The following CABLES1 variants were observed in gnomAD, a reference collection of about 807,000 sequenced individuals.
CABLES1 encodes the protein Cdk5 and Abl enzyme substrate 1.
CABLES1 carries 36 observed loss-of-function variants against 57.8 expected under a neutral mutation model. That is an observed-to-expected ratio of 0.62 (90% CI 0.48 to 0.82). The LOEUF (loss-of-function observed/expected upper bound fraction) is 0.82. Among genes scored for constraint, CABLES1 ranks in the 40% least tolerant of loss-of-function variants. CABLES1 has a pLI of 0.00. For synonymous variants in CABLES1, 374 were observed against 363.0 expected, an observed-to-expected ratio of 1.03 and a Z score of -0.35; for missense variants, 767 against 836.6, an observed-to-expected ratio of 0.92 and a Z score of 1.03.
At chr18:23,232,471 C>T (rs945678513) in intron 4 of CABLES1, among the ~76,000 whole-genome samples, 3 of 152,230 alleles carry the variant, frequency 2.0e-5, no homozygotes, top group Non-Finnish European at 4.4e-5. Context: ...GCCTTGTTCA[C>T]GTTTTTGCTT....
chr18:23,249,589 C>T (rs1568092264), intron 7 of CABLES1, among the ~76,000 whole-genome samples: 2 of 152,146 alleles, frequency 1.3e-5, no homozygotes, highest in African/African-American at 4.8e-5. Context: ...AATTTTTCAG[C>T]GTCTTTTACG....
At chr18:23,139,987 T>G (rs1399036026) in intron 1 of CABLES1, among the ~76,000 whole-genome samples, 1 of 152,200 alleles carries the variant, frequency 6.6e-6, no homozygotes, top group Non-Finnish European at 1.5e-5. Flanking sequence ...AGCTTTGCTA[T>G]TTCACCATCT....
rs960921878 is a variant in CABLES1, at chr18:23,236,105, A to G, written c.1342+54A>G. ...CTCGTGGTGGGAGGGAGGTGCCTCC[A>G]TTTACATGGGGATTGAGTCTCCCTG... On this transcript the variant is annotated intron_variant, in intron 6 of 9. Coordinates refer to ENST00000256925, the MANE Select transcript of CABLES1 (RefSeq NM_001100619.3). 16 of 1,574,756 alleles carry G rather than the reference A, an allele frequency of 1.0e-5. No homozygotes were observed. In the African/African-American group the frequency reaches 1.9e-4, roughly 19 times the overall value.
intron 6 of CABLES1, 48 bp downstream of exon 6, chr18:23,236,099 G>A (rs2047607971): frequency 1.3e-6 from 2 of 1,586,434 alleles, no homozygotes; most frequent in African/African-American, 1.3e-5. Context: ...GGAGGGAGGT[G>A]CCTCCATTTA....
chr18:23,200,266 G>T (rs2047313985), intron 3 of CABLES1, among the ~76,000 whole-genome samples: 1 of 151,398 alleles, frequency 6.6e-6, no homozygotes, highest in South Asian at 2.1e-4. Context: ...GGAGAGGGTA[G>T]ATTTTTTTTT....
chr18:23,146,183 T>A (rs950589914), intron 1 of CABLES1, among the ~76,000 whole-genome samples: 1 of 152,220 alleles, frequency 6.6e-6, no homozygotes, highest in Admixed American at 6.5e-5. Context: ...AAGGGCTGGG[T>A]GGCGGGGTAG....
intron 3 of CABLES1, among the ~76,000 whole-genome samples, chr18:23,199,445 A>G (rs1485262094): frequency 6.6e-6 from 1 of 152,186 alleles, no homozygotes; most frequent in African/African-American, 2.4e-5. Flanking sequence ...GGTGGAAACA[A>G]CCCCAGTGTC....
chr18:23,203,992 A>T (rs2047344656), intron 3 of CABLES1, among the ~76,000 whole-genome samples: 1 of 152,172 alleles, frequency 6.6e-6, no homozygotes, highest in African/African-American at 2.4e-5. Context: ...ACAAAACCCC[A>T]GTCTAGGAGG....
At chr18:23,220,067 C>T (rs1219804893) in intron 4 of CABLES1, among the ~76,000 whole-genome samples, 1 of 152,072 alleles carries the variant, frequency 6.6e-6, no homozygotes, top group Non-Finnish European at 1.5e-5. Flanking sequence ...AGGTTTAGAC[C>T]AAGCTGATAA....
chr18:23,200,484 G>A (rs1015042533), intron 3 of CABLES1, among the ~76,000 whole-genome samples: 11 of 152,114 alleles, frequency 7.2e-5, no homozygotes, highest in South Asian at 4.1e-4. Context: ...GGAAGGTCTC[G>A]ATCTCCTGAC....
In CABLES1 at chr18:23,259,228, G is replaced by C. The variant is rs1258187930; in HGVS notation, c.*1861G>C. 1.3e-5 allele frequency: 2 copies of C among 152,164 alleles called. No homozygotes were observed. Among genetic ancestry groups the C allele is most frequent in the Non-Finnish European group, 2.9e-5 (2 of 68,056 alleles). 9.4% of individuals were successfully genotyped at this position (152,164 alleles called of 1,614,324 possible). A position where few individuals can be genotyped will look rare whatever the true frequency, so the allele number is the denominator to read the frequency against. On this transcript the variant is annotated 3_prime_UTR_variant, in exon 10 of 10. Transcript: ENST00000256925. ...TTCCTGGTCAGTGCCTACAGGGGGA[G>C]AGCCTTTCTGAGAAGCAGGTCCTGT... is the stretch of plus-strand genomic sequence containing the variant.
intron 1 of CABLES1, among the ~76,000 whole-genome samples, chr18:23,173,023 G>A (rs909127957): frequency 6.6e-6 from 1 of 152,208 alleles, no homozygotes; most frequent in African/African-American, 2.4e-5. Flanking sequence ...GGAGATGGGA[G>A]GTTATGGAAA....
At chr18:23,157,269 G>T (rs1416389860) in intron 1 of CABLES1, among the ~76,000 whole-genome samples, 1 of 152,096 alleles carries the variant, frequency 6.6e-6, no homozygotes, top group Non-Finnish European at 1.5e-5. Context: ...AATTTAGCAG[G>T]TCGGCAAGTC....
In CABLES1 at chr18:23,135,537, C is replaced by A; in HGVS notation, c.-226C>A. On this transcript the variant is annotated 5_prime_UTR_variant, in exon 1 of 10. Transcript: ENST00000256925. The stretch of plus-strand genomic sequence containing the variant: ...GCGGCCAGCCAGCGAGCCGAACTAG[C>A]CGAGCTAGGTAGCGAGGCGTGCGCG... 1 of 164,252 alleles carries A rather than the reference C, an allele frequency of 6.1e-6. No individual in the cohort carries two copies. Among genetic ancestry groups the A allele is most frequent in the Non-Finnish European group, 1.3e-5 (1 of 79,244 alleles). The allele number at this position is 164,252 out of a possible 1,614,324, so 10.2% of individuals were successfully genotyped here.
At chr18:23,187,842 G>A (rs886898441) in intron 1 of CABLES1, among the ~76,000 whole-genome samples, 1 of 152,004 alleles carries the variant, frequency 6.6e-6, no homozygotes, top group African/African-American at 2.4e-5. Context: ...GTCAGAAAAA[G>A]TACACACAAA....
intron 9 of CABLES1, among the ~76,000 whole-genome samples, chr18:23,256,297 G>A (rs1036551784): frequency 1.2e-4 from 19 of 152,118 alleles, no homozygotes; most frequent in African/African-American, 4.1e-4. Context: ...TAGTTGGGTG[G>A]GCACGCAAGA....
intron 1 of CABLES1, among the ~76,000 whole-genome samples, chr18:23,157,241 C>T (rs2046971779): frequency 6.6e-6 from 1 of 152,070 alleles, no homozygotes; most frequent in African/African-American, 2.4e-5. Flanking sequence ...TTTAGAAATA[C>T]ATATATATGT....
At chr18:23,194,410 G>A (rs371790139) in intron 2 of CABLES1, 38 bp from the exon 3 acceptor site, 2 of 1,300,690 alleles carry the variant, frequency 1.5e-6, no homozygotes, top group Non-Finnish European at 2.2e-6. Flanking sequence ...TGTCCAGCAG[G>A]CAACTGACTG....
chr18:23,138,389 T>C (rs2046836486), intron 1 of CABLES1, among the ~76,000 whole-genome samples: 1 of 152,210 alleles, frequency 6.6e-6, no homozygotes, highest in Non-Finnish European at 1.5e-5. Context: ...AATTAATCAC[T>C]GGAAGATGCT....
Sources: allele counts gnomAD v4.1 joint callset (sites outside exome capture counted in the v4.1 genomes callset), GRCh38; gene constraint gnomAD v4.1.1; transcripts MANE v1.5; gene names NCBI Gene and HGNC (gene_info 2026-07-23, HGNC 2026-07-21).